OCIAD1: variants seen among roughly 807,000 people sequenced by gnomAD.
The protein encoded by OCIAD1 is OCIA domain-containing protein 1.
Under a neutral mutation model 38.9 loss-of-function variants are expected in OCIAD1, and 29 were observed. That is an observed-to-expected ratio of 0.74 (90% CI 0.55 to 1.02). OCIAD1 has a LOEUF of 1.02. OCIAD1 is among the 50% of genes least tolerant of loss of function. The pLI, the probability that OCIAD1 is intolerant of heterozygous loss-of-function variation, is 0.00. For synonymous variants in OCIAD1, 110 were observed against 92.0 expected (o/e 1.20, Z -1.12); for missense variants, 288 against 289.6 (o/e 0.99, Z 0.04).
At chr4:48,840,105 G>A (rs879770776) in intron 3 of OCIAD1, among the ~76,000 whole-genome samples, 1 of 152,188 alleles carries the variant, frequency 6.6e-6, no homozygotes, top group Non-Finnish European at 1.5e-5. Flanking sequence ...GAGACCTTAG[G>A]TCTAATCCAT....
chr4:48,819,716 CAAAAAAAA>C (rs576081813), intron 1 of OCIAD1, among the ~76,000 whole-genome samples: 1 of 10,454 alleles, frequency 9.6e-5, no homozygotes, highest in Admixed American at 2.1e-3. Context: ...TTACCAAGCG[CAAAAAAAA>C]AAAAAAAAAA....
At chr4:48,821,429 C>T (rs111747925) in intron 1 of OCIAD1, among the ~76,000 whole-genome samples, 151 of 152,262 alleles carry the variant, frequency 9.9e-4, no homozygotes, top group Admixed American at 9.8e-4. Flanking sequence ...TTATGACAAA[C>T]GCATAGCCAA....
At chr4:48,833,350 C>T (rs777001936) in intron 2 of OCIAD1, 51 bp from the exon 3 acceptor site, 9 of 1,083,658 alleles carry the variant, frequency 8.3e-6, no homozygotes, top group Non-Finnish European at 1.1e-5. Flanking sequence ...TTTTTCAGAC[C>T]TAGTTTTATT....
At position 48,846,972 on chromosome 4, in the gene OCIAD1, T is replaced by C. The variant is rs540749931; in HGVS notation, c.194-1427T>C. Among the ~76,000 whole-genome samples, 15 of 152,004 alleles carry C rather than the reference T, an allele frequency of 9.9e-5. No homozygotes were observed. The South Asian group carries it at 2.9e-3, about 29-fold the overall frequency. On this transcript the variant is annotated intron_variant, in intron 4 of 8. Coordinates refer to ENST00000264312, the MANE Select transcript of OCIAD1 (RefSeq NM_017830.4). ...CAATTTTCACTGTTACAATTAGTTT[T>C]GCCAAGAATATGGTGCCTTTTTGAT...
chr4:48,847,163 T>C (rs1029008645), intron 4 of OCIAD1, among the ~76,000 whole-genome samples: 2 of 152,222 alleles, frequency 1.3e-5, no homozygotes, highest in Admixed American at 6.5e-5. Context: ...ATTGATTGCA[T>C]TGTGGCTTGA....
rs146978409 is a variant in OCIAD1, at chr4:48,824,544, C to CTTA, written c.-102-6012_-102-6010dup. ...TACAGGCATGCACTAGCACACCCAC[C>CTTA]TTATTATTATTATTATTATTATTTT... is the stretch of plus-strand genomic sequence containing the variant. On this transcript the variant is annotated intron_variant, in intron 1 of 6. Coordinates refer to the OCIAD1 transcript ENST00000504654. 2.4e-3 allele frequency among the ~76,000 whole-genome samples: 358 copies of CTTA among 150,856 alleles called. 1 individual carries two copies. Among genetic ancestry groups the CTTA allele is most frequent in the African/African-American group, 7.2e-3 (297 of 41,118 alleles).
At chr4:48,810,886 CTTTCTTTCTT>C (rs1560406185) in intron 1 of OCIAD1, among the ~76,000 whole-genome samples, 3 of 44,332 alleles carry the variant, frequency 6.8e-5, no homozygotes, top group African/African-American at 8.4e-5. Context: ...TTTTTTCTTT[CTTTCTTTCTT>C]TTTTTTTTTT....
chr4:48,836,589 T>C (rs549721108), intron 3 of OCIAD1, among the ~76,000 whole-genome samples: 1 of 152,292 alleles, frequency 6.6e-6, no homozygotes, highest in African/African-American at 2.4e-5. Context: ...AAACTGATAA[T>C]AGTTTCTGCC....
At chr4:48,841,704 C>A (rs897675553) in intron 3 of OCIAD1, among the ~76,000 whole-genome samples, 5 of 152,168 alleles carry the variant, frequency 3.3e-5, no homozygotes, top group African/African-American at 1.2e-4. Flanking sequence ...AAATTGATCA[C>A]AGGGTTGGTC....
At chr4:48,833,527 C>A in intron 3 of OCIAD1, 46 bp downstream of exon 3, 13 of 1,246,616 alleles carry the variant, frequency 1.0e-5, no homozygotes, top group Non-Finnish European at 1.5e-5. Context: ...AAAATTTGTA[C>A]CTGAAATTTT....
chr4:48,814,191 A>T (rs1437022669), intron 1 of OCIAD1, among the ~76,000 whole-genome samples: 1 of 151,094 alleles, frequency 6.6e-6, no homozygotes, highest in Non-Finnish European at 1.5e-5. Flanking sequence ...TCTCGGTTTG[A>T]TTGACAGCAT....
intron 1 of OCIAD1, among the ~76,000 whole-genome samples, chr4:48,811,202 A>G (rs1366575477): frequency 6.6e-6 from 1 of 152,088 alleles, no homozygotes; most frequent in East Asian, 1.9e-4. Context: ...GATTCACATC[A>G]TCGTGATCTC....
At chr4:48,827,953 C>A (rs964639914), upstream of OCIAD1, among the ~76,000 whole-genome samples, 1 of 152,126 alleles carries the variant, frequency 6.6e-6, no homozygotes, top group Non-Finnish European at 1.5e-5. Context: ...CCAATCAGCA[C>A]TCTGTATCTA....
rs1780587398 is a variant in OCIAD1, at chr4:48,861,434, C to G, written c.*672C>G. On this transcript the variant is annotated 3_prime_UTR_variant, in exon 9 of 9. Transcript: ENST00000264312. ...GTGGGCAGTGGTTCATGCCTGTAAT[C>G]CCAGCACTTTGGGAGGCCGAAGTGG... The G allele has an allele frequency of 6.6e-6, 1 of 152,232 alleles. No homozygotes were observed. Among genetic ancestry groups the G allele is most frequent in the Non-Finnish European group, 1.5e-5 (1 of 68,140 alleles). 9.4% of individuals were successfully genotyped at this position (152,232 alleles called of 1,614,324 possible). A position where few individuals can be genotyped will look rare whatever the true frequency, so the allele number is the denominator to read the frequency against.
At chr4:48,831,295 C>T in intron 1 of OCIAD1, 46 bp downstream of exon 1, 2 of 359,134 alleles carry the variant, frequency 5.6e-6, no homozygotes, top group South Asian at 4.1e-5. Flanking sequence ...CTCCGCGTAT[C>T]CCCTCACCAC....
chr4:48,841,777 G>A (rs957536382), intron 3 of OCIAD1, among the ~76,000 whole-genome samples: 25 of 152,092 alleles, frequency 1.6e-4, no homozygotes, highest in Non-Finnish European at 7.4e-5. Context: ...GTAAAGAACA[G>A]TGATTCATAG....
intron 1 of OCIAD1, among the ~76,000 whole-genome samples, chr4:48,820,619 T>G (rs1435965895): frequency 6.6e-6 from 1 of 152,184 alleles, no homozygotes; most frequent in Non-Finnish European, 1.5e-5. Flanking sequence ...AGGAGCTGGT[T>G]TTTTGAAAAG....
intron 1 of OCIAD1, among the ~76,000 whole-genome samples, chr4:48,814,305 G>T (rs530355119): frequency 6.7e-6 from 1 of 148,218 alleles, no homozygotes; most frequent in East Asian, 2.0e-4. Flanking sequence ...GAAAAGCAGA[G>T]TATGGCTATT....
chr4:48,851,901 A>G lies in OCIAD1; in HGVS notation c.473A>G (p.His158Arg), dbSNP rs1779513968. 1.2e-6 allele frequency: 2 copies of G among 1,611,898 alleles called. No individual in the cohort carries two copies. The highest frequency in any genetic ancestry group is 1.7e-6 in the Non-Finnish European group (2 of 1,178,052). The change falls in exon 7 of 9, where the codon CAT becomes CGT. Residue 158 changes from histidine to arginine, a missense_variant. Transcript: ENST00000264312. ...GCAGACAACATAGAAATGCTTCCTC[A>G]TTATGAGCCAATTCCATTCAGTTCT... is the stretch of plus-strand genomic sequence containing the variant. ...PAADNIEMLP[H>R]YEPIPFSSSM...
Sources: allele counts gnomAD v4.1 joint callset (sites outside exome capture counted in the v4.1 genomes callset), GRCh38; gene constraint gnomAD v4.1.1; transcripts MANE v1.5; gene names NCBI Gene and HGNC (gene_info 2026-07-23, HGNC 2026-07-21).